The following PARD3 variants were observed in gnomAD, a reference collection of about 807,000 sequenced individuals.
The protein encoded by PARD3 is par-3 family cell polarity regulator.
A neutral mutation model predicts 155.4 loss-of-function variants in PARD3; 75 were observed. That is an observed-to-expected ratio of 0.48 (90% confidence interval 0.40 to 0.58). The LOEUF is 0.58. Ranked by LOEUF, PARD3 falls within the 20% of genes least tolerant of loss-of-function variation. PARD3 has a pLI of 0.00. For synonymous variants in PARD3, 576 were observed against 610.5 expected (o/e 0.94, Z 0.83); for missense variants, 1,642 against 1,721.7 (o/e 0.95, Z 0.82).
At chr10:34,436,461 T>TA (rs1451341400) in intron 5 of PARD3, among the ~76,000 whole-genome samples, 1 of 152,232 alleles carries the variant, frequency 6.6e-6, no homozygotes, top group Non-Finnish European at 1.5e-5. Context: ...TGTGAGGTGA[T>TA]AGAGTGAACA....
At chr10:34,521,364 CA>C (rs35030184) in intron 2 of PARD3, among the ~76,000 whole-genome samples, 32,843 of 90,292 alleles carry the variant, frequency 0.36, 3,713 homozygotes, top group East Asian at 0.5. Flanking sequence ...AGTAACACAG[CA>C]AAAAAAAAAA....
At chr10:34,787,664 T>C (rs1017007550) in intron 1 of PARD3, among the ~76,000 whole-genome samples, 2 of 152,002 alleles carry the variant, frequency 1.3e-5, no homozygotes, top group African/African-American at 4.8e-5. Context: ...CATGTGTATG[T>C]CTTGAAGGGG....
chr10:34,523,382 C>G (rs2082271538), intron 2 of PARD3, among the ~76,000 whole-genome samples: 1 of 152,202 alleles, frequency 6.6e-6, no homozygotes, highest in African/African-American at 2.4e-5. Context: ...TGTCATTGGA[C>G]ACTCAATGTC....
intron 1 of PARD3, among the ~76,000 whole-genome samples, chr10:34,760,213 G>GT (rs1564590194): frequency 6.6e-6 from 1 of 151,934 alleles, no homozygotes; most frequent in Admixed American, 6.5e-5. Context: ...TGTAGAAACA[G>GT]TATTTATTAT....
chr10:34,586,350 C>T (rs2088044291), intron 2 of PARD3, among the ~76,000 whole-genome samples: 1 of 152,116 alleles, frequency 6.6e-6, no homozygotes, highest in South Asian at 2.1e-4. Context: ...CCATTTTCAT[C>T]ATACCTTGTA....
At chr10:34,597,367 C>T (rs1265373019) in intron 2 of PARD3, among the ~76,000 whole-genome samples, 1 of 151,540 alleles carries the variant, frequency 6.6e-6, no homozygotes, top group East Asian at 1.9e-4. Context: ...TCAATCATCA[C>T]CAATAAGTTT....
chr10:34,735,745 T>C (rs2094901711), intron 1 of PARD3, among the ~76,000 whole-genome samples: 2 of 152,224 alleles, frequency 1.3e-5, no homozygotes, highest in South Asian at 4.1e-4. Flanking sequence ...CCCCCTTATT[T>C]TTTATTCCTT....
chr10:34,217,990 C>T (rs1262677233), intron 22 of PARD3, among the ~76,000 whole-genome samples: 2 of 152,190 alleles, frequency 1.3e-5, no homozygotes, highest in African/African-American at 4.8e-5. Flanking sequence ...GAAGACATGA[C>T]ATCTGGGCTC....
At chr10:34,375,043 A>C (rs2134667774) in intron 10 of PARD3, 41 bp from the exon 11 acceptor site, 1 of 1,482,892 alleles carries the variant, frequency 6.7e-7, no homozygotes, top group African/African-American at 1.6e-5. Context: ...TCCTGTGGAA[A>C]CAACAGGAAA....
intron 2 of PARD3, among the ~76,000 whole-genome samples, chr10:34,666,816 T>TATATATATATATTTATATATATATATAC (rs765552982): frequency 1.1e-5 from 1 of 88,768 alleles, no homozygotes; most frequent in Admixed American, 1.5e-4. Context: ...TATATATATA[T>TATATATATATATTTATATATATATATAC]ACACACACAC....
intron 3 of PARD3, among the ~76,000 whole-genome samples, chr10:34,491,039 T>C (rs1420912982): frequency 1.3e-5 from 2 of 152,040 alleles, no homozygotes; most frequent in African/African-American, 4.8e-5. Context: ...TCATGAAAAA[T>C]ACAGATTCTG....
At chr10:34,773,513 G>A (rs1014535685) in intron 1 of PARD3, among the ~76,000 whole-genome samples, 4 of 152,200 alleles carry the variant, frequency 2.6e-5, no homozygotes, top group African/African-American at 9.7e-5. Flanking sequence ...GAACATTTTT[G>A]TAGATCTTGA....
At chr10:34,156,707 C>T (rs1238663406) in intron 22 of PARD3, among the ~76,000 whole-genome samples, 1 of 152,200 alleles carries the variant, frequency 6.6e-6, no homozygotes, top group Admixed American at 6.5e-5. Context: ...GCACTGTGGT[C>T]CCACTTTGAG....
chr10:34,254,370 C>T (rs1954526808), intron 22 of PARD3, among the ~76,000 whole-genome samples: 1 of 147,382 alleles, frequency 6.8e-6, no homozygotes, highest in Non-Finnish European at 1.5e-5. Flanking sequence ...CAGAGCAAGA[C>T]TCTGTCTCAA....
At chr10:34,157,788 A>T (rs1342079206) in intron 22 of PARD3, among the ~76,000 whole-genome samples, 5 of 152,212 alleles carry the variant, frequency 3.3e-5, no homozygotes, top group Non-Finnish European at 5.9e-5. Flanking sequence ...TAAAACGGTG[A>T]CATAAAACAT....
intron 3 of PARD3, among the ~76,000 whole-genome samples, chr10:34,484,575 C>T (rs2079314164): frequency 6.6e-6 from 1 of 151,994 alleles, no homozygotes; most frequent in Non-Finnish European, 1.5e-5. Context: ...AATGTCTTTC[C>T]CTTTATCAAC....
chr10:34,375,844 T>C (rs1309594903), intron 10 of PARD3, among the ~76,000 whole-genome samples: 1 of 152,176 alleles, frequency 6.6e-6, no homozygotes, highest in Non-Finnish European at 1.5e-5. Flanking sequence ...TTTCCCCTTC[T>C]GAAAAAAATC....
intron 5 of PARD3, among the ~76,000 whole-genome samples, chr10:34,416,631 A>G (rs2252655): frequency 0.55 from 83,587 of 152,010 alleles, 26,128 homozygotes; most frequent in African/African-American, 0.87. Context: ...GATTACTAAG[A>G]GAACAACCTG....
At chr10:34,280,265 C>A (rs1228480399) in intron 21 of PARD3, among the ~76,000 whole-genome samples, 1 of 151,804 alleles carries the variant, frequency 6.6e-6, no homozygotes, top group African/African-American at 2.4e-5. Context: ...CATAAAAATG[C>A]AAAATAAATA....
Sources: allele counts gnomAD v4.1 joint callset (sites outside exome capture counted in the v4.1 genomes callset), GRCh38; gene constraint gnomAD v4.1.1; transcripts MANE v1.5; gene names NCBI Gene and HGNC (gene_info 2026-07-23, HGNC 2026-07-21).